The following DAB2IP variants were observed in gnomAD, a reference collection of about 807,000 sequenced individuals.
DAB2IP encodes disabled homolog 2-interacting protein.
In DAB2IP, 28 loss-of-function variants were observed where a neutral mutation model predicts 107.2. That is an observed-to-expected ratio of 0.26 (90% CI 0.19 to 0.36). The LOEUF is 0.36. Ranked by LOEUF, DAB2IP falls within the 10% of genes least tolerant of loss-of-function variation. The pLI is 1.00. For missense variants in DAB2IP, 1,400 were observed against 1,644.7 expected (o/e 0.85, Z 2.57); for synonymous variants, 755 against 706.4 (o/e 1.07, Z -1.09).
Position 121,776,243 on chromosome 9 carries a change from C to T in DAB2IP, c.3166C>T (p.Leu1056=), listed in dbSNP as rs1273698301. Reference sequence around the variant, plus strand: ...CAAGCTGCGAATCTCCACCAAGAAGCTGGAGGAGTATGAGACCCTGTTCAA... The same window carrying T: ...CAAGCTGCGAATCTCCACCAAGAAGTTGGAGGAGTATGAGACCCTGTTCAA... Residue 1056 remains leucine (L), a synonymous_variant, in exon 14 of 16, where the codon CTG becomes TTG. Transcript: ENST00000408936. This position sits in a 1 kb window ranked among gnomAD's most constrained non-coding sequence, Gnocchi z 5.4. The T allele has an allele frequency of 1.2e-5, 19 of 1,586,068 alleles. No individual in the cohort carries two copies. The highest frequency in any genetic ancestry group is 1.6e-5 in the Non-Finnish European group (19 of 1,166,592).
chr9:121,598,034 C>A lies in DAB2IP; in HGVS notation c.40+30806C>A, dbSNP rs181988777. On this transcript the variant is annotated intron_variant, in intron 1 of 16. Coordinates refer to the DAB2IP transcript ENST00000259371. ...TGGACATTTTATGGGACATCGTCTG[C>A]GGCTTGGCATCAGCATCAAGTCGCG... 2.9e-3 allele frequency among the ~76,000 whole-genome samples: 439 copies of A among 152,300 alleles called. 2 individuals are homozygous for A. Among genetic ancestry groups the A allele is most frequent in the African/African-American group, 0.01 (421 of 41,578 alleles).
chr9:121,721,511 C>G (rs1468856425), intron 3 of DAB2IP, among the ~76,000 whole-genome samples: 1 of 152,248 alleles, frequency 6.6e-6, no homozygotes, highest in Non-Finnish European at 1.5e-5. Flanking sequence ...GTAGTGGCAT[C>G]TGTGTCCATC....
At chr9:121,639,912 G>C (rs1832219367) in intron 1 of DAB2IP, among the ~76,000 whole-genome samples, 1 of 152,204 alleles carries the variant, frequency 6.6e-6, no homozygotes, top group Non-Finnish European at 1.5e-5. Context: ...CTGTTCCCCA[G>C]ACTGGCTAAC....
chr9:121,668,139 G>C lies in DAB2IP; in HGVS notation c.125-10539G>C, dbSNP rs186421009. On this transcript the variant is annotated intron_variant, in intron 1 of 15. Transcript: ENST00000408936. ...TGCGAATTATGGGAGTACAATTCAAGATGACATTTGAGTGGGAACACAGAG... is the reference window on the plus strand; with the variant it reads ...TGCGAATTATGGGAGTACAATTCAACATGACATTTGAGTGGGAACACAGAG... Among the ~76,000 whole-genome samples, 42 of 151,930 alleles carry C rather than the reference G, an allele frequency of 2.8e-4. No homozygotes were observed. The East Asian group carries it at 7.9e-3, about 29-fold the overall frequency.
chr9:121,742,840 G>A, intron 3 of DAB2IP: 7 of 985,364 alleles, frequency 7.1e-6, no homozygotes, highest in Non-Finnish European at 8.4e-6. Flanking sequence ...TTCTCATCTG[G>A]AAGATGAAGG....
intron 1 of DAB2IP, among the ~76,000 whole-genome samples, chr9:121,623,591 C>T (rs565055774): frequency 6.6e-6 from 1 of 152,294 alleles, no homozygotes; most frequent in Admixed American, 6.5e-5. Flanking sequence ...TGGTCTTGAA[C>T]TGCTGGGCCT....
exon 11 of DAB2IP, chr9:121,770,614 A>G: frequency 6.2e-7 from 1 of 1,614,124 alleles, no homozygotes; most frequent in Non-Finnish European, 8.5e-7. Context: ...TGAGCACCCC[A>G]GGTAGCGGGC....
chr9:121,764,853 TC>T (rs1270905913), intron 8 of DAB2IP, among the ~76,000 whole-genome samples: 1 of 152,194 alleles, frequency 6.6e-6, no homozygotes, highest in Non-Finnish European at 1.5e-5. Flanking sequence ...GCAGCCCTGA[TC>T]CCATCAGGAT....
intron 1 of DAB2IP, among the ~76,000 whole-genome samples, chr9:121,632,986 C>T (rs1471951076): frequency 6.6e-6 from 1 of 152,224 alleles, no homozygotes; most frequent in Admixed American, 6.5e-5. Context: ...GGGGGGCTCC[C>T]CAACCCTGCT....
intron 3 of DAB2IP, among the ~76,000 whole-genome samples, chr9:121,704,371 G>T (rs1339281131): frequency 6.6e-6 from 1 of 152,148 alleles, no homozygotes; most frequent in African/African-American, 2.4e-5. Flanking sequence ...GTTTGGATAG[G>T]CAGAAAAAGG....
chr9:121,592,621 T>G (rs1049408840), intron 1 of DAB2IP, among the ~76,000 whole-genome samples: 1 of 152,240 alleles, frequency 6.6e-6, no homozygotes, highest in Non-Finnish European at 1.5e-5. Flanking sequence ...TTTGTTAGCT[T>G]GTACAACATG....
chr9:121,585,584 C>T (rs1353627442), intron 1 of DAB2IP, among the ~76,000 whole-genome samples: 4 of 152,144 alleles, frequency 2.6e-5, no homozygotes, highest in African/African-American at 4.8e-5. Context: ...TGGCTGGGCG[C>T]GGTGGCTCAC....
chr9:121,747,211 A>G (rs1832776867), intron 3 of DAB2IP, among the ~76,000 whole-genome samples: 1 of 151,944 alleles, frequency 6.6e-6, no homozygotes, highest in Non-Finnish European at 1.5e-5. Flanking sequence ...TAAGCCTGAT[A>G]GTTTTTCCTA....
At chr9:121,737,481 C>G (rs891587904) in intron 3 of DAB2IP, 1 of 985,456 alleles carries the variant, frequency 1.0e-6, no homozygotes, top group Non-Finnish European at 1.2e-6. Context: ...CCGGCCCGGC[C>G]GAGAGGCCCC....
At chr9:121,587,250 T>C (rs1589379670) in intron 1 of DAB2IP, among the ~76,000 whole-genome samples, 2 of 152,078 alleles carry the variant, frequency 1.3e-5, no homozygotes, top group South Asian at 4.2e-4. Context: ...GAAAGTGCAG[T>C]GTAGGCAGAG....
intron 1 of DAB2IP, chr9:121,598,616 C>T (rs1830583301): frequency 6.6e-6 from 1 of 152,318 alleles, no homozygotes; most frequent in African/African-American, 2.4e-5. Context: ...AGGACACGCT[C>T]TGCTGCGGAG....
intron 1 of DAB2IP, among the ~76,000 whole-genome samples, chr9:121,655,203 T>G (rs1177052480): frequency 2.6e-5 from 4 of 152,140 alleles, no homozygotes; most frequent in East Asian, 1.9e-4. Flanking sequence ...ATTTTCCCAC[T>G]GTGTCCCTAA....
At chr9:121,735,658 G>C (rs886680224) in intron 3 of DAB2IP, among the ~76,000 whole-genome samples, 4 of 152,160 alleles carry the variant, frequency 2.6e-5, no homozygotes, top group Non-Finnish European at 4.4e-5. Flanking sequence ...GGCCTCAGCT[G>C]GATTAGCACC....
chr9:121,729,250 T>C (rs1831390475), intron 3 of DAB2IP, among the ~76,000 whole-genome samples: 2 of 152,250 alleles, frequency 1.3e-5, no homozygotes, highest in African/African-American at 4.8e-5. Context: ...TCACAGGCTC[T>C]TTCCACTGGC....
Sources: gnomAD v4.1 joint callset for allele counts (sites outside exome capture counted in the v4.1 genomes callset) on GRCh38, gnomAD v4.1.1 for gene constraint, Gnocchi (gnomAD v3.1) non-coding constraint, MANE v1.5 for transcripts, NCBI Gene and HGNC (gene_info 2026-07-23, HGNC 2026-07-21) for gene names.